VCL: variants seen among roughly 807,000 people sequenced by gnomAD.
VCL encodes the protein epididymis luminal protein 114.
Under a neutral mutation model 125.7 loss-of-function variants are expected in VCL, and 47 were observed. That is an observed-to-expected ratio of 0.37 (90% CI 0.30 to 0.48). The LOEUF is 0.48. Ranked by LOEUF, VCL falls within the 20% of genes least tolerant of loss-of-function variation. The pLI is 0.99. For missense variants in VCL, 1,069 were observed against 1,455.5 expected (o/e 0.73, Z 4.32); for synonymous variants, 458 against 514.6 (o/e 0.89, Z 1.49).
At chr10:74,094,502 C>T (rs1395832997) in intron 11 of VCL, 41 bp downstream of exon 11, 3 of 1,595,998 alleles carry the variant, frequency 1.9e-6, no homozygotes, top group Non-Finnish European at 2.6e-6. Context: ...AAATTGGTCT[C>T]AGTGCAAATA....
chr10:74,005,216 G>A (rs979827658), intron 1 of VCL: 13 of 152,212 alleles, frequency 8.5e-5, no homozygotes, highest in Middle Eastern at 3.4e-3. Flanking sequence ...ATGTAAGAAC[G>A]AGACAGATAT....
At chr10:74,091,791 CAAAAAAAAAA>C (rs545539526) in intron 10 of VCL, among the ~76,000 whole-genome samples, 1 of 61,106 alleles carries the variant, frequency 1.6e-5, no homozygotes, top group Admixed American at 3.0e-4. Flanking sequence ...TCTGTCTCAG[CAAAAAAAAAA>C]AAAAAAAAAA....
At chr10:74,072,652 T>A in intron 4 of VCL, 78 bp from the exon 5 acceptor site, 2 of 1,607,688 alleles carry the variant, frequency 1.2e-6, no homozygotes, top group Admixed American at 3.3e-5. Context: ...TAGTATTTCA[T>A]AATGGATTTA....
intron 1 of VCL, among the ~76,000 whole-genome samples, chr10:74,022,575 G>GATAAATAA (rs112373013): frequency 1.1e-4 from 13 of 121,020 alleles, no homozygotes; most frequent in East Asian, 8.3e-4. Context: ...TAAGAATAAA[G>GATAAATAA]ATAAATAAAT....
intron 1 of VCL, among the ~76,000 whole-genome samples, chr10:74,018,412 C>T (rs1840601384): frequency 6.6e-6 from 1 of 151,534 alleles, no homozygotes; most frequent in African/African-American, 2.4e-5. Context: ...GCCTCTGATG[C>T]CAAGGAGCAA....
rs879341961 is a variant in VCL, at chr10:74,106,471, AATTTTGATCAT to A, written c.2435-753_2435-743del. Among the ~76,000 whole-genome samples, 85 of 152,126 alleles carry A rather than the reference AATTTTGATCAT, an allele frequency of 5.6e-4. No individual in the cohort carries two copies. In the Middle Eastern group the frequency reaches 0.017, roughly 31 times the overall value. Reference sequence around the variant, plus strand: ...AGAAAATCTGGGTTTTCTTTAGGTGAATTTTGATCATATTTTTGGTACTACCATGGCAGATC... The same window carrying A: ...AGAAAATCTGGGTTTTCTTTAGGTGAATTTTTGGTACTACCATGGCAGATC... On this transcript the variant is annotated intron_variant, in intron 16 of 21. Coordinates refer to ENST00000211998, the MANE Select transcript of VCL (RefSeq NM_014000.3).
intron 1 of VCL, among the ~76,000 whole-genome samples, chr10:74,010,000 C>T: frequency 6.6e-6 from 1 of 152,112 alleles, no homozygotes; most frequent in East Asian, 1.9e-4. Context: ...TCTCAGCTCA[C>T]TGCAACCTCT....
intron 2 of VCL, among the ~76,000 whole-genome samples, chr10:74,044,345 G>A (rs113763300): frequency 3.6e-4 from 54 of 151,958 alleles, no homozygotes; most frequent in Non-Finnish European, 6.8e-4. Context: ...AAGCTGATGT[G>A]TAGGACAAAA....
At chr10:74,050,761 C>T (rs75039949) in intron 2 of VCL, among the ~76,000 whole-genome samples, 5,205 of 152,022 alleles carry the variant, frequency 0.034, 159 homozygotes, top group African/African-American at 0.082. Flanking sequence ...GTCCTTTCCA[C>T]TGCTACAGTA....
intron 2 of VCL, among the ~76,000 whole-genome samples, chr10:74,046,423 T>C (rs371774721): frequency 6.6e-6 from 1 of 152,216 alleles, no homozygotes; most frequent in East Asian, 1.9e-4. Flanking sequence ...TTTTAAATCA[T>C]TTGTAGAGGT....
chr10:74,017,306 C>G (rs1840565424), intron 1 of VCL, among the ~76,000 whole-genome samples: 1 of 151,982 alleles, frequency 6.6e-6, no homozygotes. Context: ...CTCGGCCTCC[C>G]AAAGTGCTGG....
chr10:74,058,058 G>T (rs1841418758), intron 2 of VCL, among the ~76,000 whole-genome samples: 1 of 152,186 alleles, frequency 6.6e-6, no homozygotes, highest in Non-Finnish European at 1.5e-5. Context: ...ATGTCTGAAA[G>T]ACCCTGACAG....
intron 2 of VCL, among the ~76,000 whole-genome samples, chr10:74,049,421 T>C (rs1478620651): frequency 6.6e-6 from 1 of 152,128 alleles, no homozygotes; most frequent in Admixed American, 6.6e-5. Flanking sequence ...AAAAGAAATA[T>C]TTTAAGACGT....
At chr10:74,103,488 T>G (rs1418522727) in intron 14 of VCL, among the ~76,000 whole-genome samples, 5 of 152,228 alleles carry the variant, frequency 3.3e-5, no homozygotes. Context: ...TCCTTCTTAA[T>G]GGTGATTTTT....
intron 1 of VCL, among the ~76,000 whole-genome samples, chr10:74,013,833 C>T (rs1366170155): frequency 3.3e-5 from 5 of 152,148 alleles, no homozygotes; most frequent in Non-Finnish European, 7.3e-5. Flanking sequence ...TAGATTTTAT[C>T]ATTACTATAT....
intron 1 of VCL, among the ~76,000 whole-genome samples, chr10:74,035,890 C>A (rs1367215224): frequency 4.6e-5 from 7 of 152,130 alleles, no homozygotes; most frequent in Admixed American, 4.6e-4. Context: ...CTAAACAATA[C>A]AGTATAACAA....
intron 6 of VCL, among the ~76,000 whole-genome samples, chr10:74,081,370 T>C (rs1839671483): frequency 6.6e-6 from 1 of 152,080 alleles, no homozygotes; most frequent in Admixed American, 6.6e-5. Context: ...TTTTTTTGAA[T>C]TGGAAGTGGG....
chr10:74,091,016 G>T (rs1311706722), intron 10 of VCL, among the ~76,000 whole-genome samples: 1 of 152,002 alleles, frequency 6.6e-6, no homozygotes, highest in African/African-American at 2.4e-5. Context: ...GTCAGGGCTG[G>T]TCTCAAACTC....
At chr10:74,024,068 A>G (rs1840724753) in intron 1 of VCL, among the ~76,000 whole-genome samples, 1 of 152,176 alleles carries the variant, frequency 6.6e-6, no homozygotes, top group Non-Finnish European at 1.5e-5. Flanking sequence ...TTCTATGAGC[A>G]TTTTAATTGG....
Sources: gnomAD v4.1 joint callset for allele counts (sites outside exome capture counted in the v4.1 genomes callset) on GRCh38, gnomAD v4.1.1 for gene constraint, MANE v1.5 for transcripts, NCBI Gene and HGNC (gene_info 2026-07-23, HGNC 2026-07-21) for gene names.